The following MROH6 variants were observed in gnomAD, a reference collection of about 807,000 sequenced individuals.
MROH6 encodes maestro heat-like repeat-containing protein family member 6.
Under a neutral mutation model 67.7 loss-of-function variants are expected in MROH6, and 62 were observed. The observed-to-expected ratio is 0.92, with a 90% CI of 0.75 to 1.13. The LOEUF (loss-of-function observed/expected upper bound fraction) is 1.13. MROH6 is among the 50% of genes most tolerant of loss of function. The pLI is 0.00. For synonymous variants in MROH6, 566 were observed against 470.8 expected, an observed-to-expected ratio of 1.20 and a Z score of -2.62; for missense variants, 1,175 against 1,029.1, an observed-to-expected ratio of 1.14 and a Z score of -1.94.
Position 143,572,013 on chromosome 8 carries a change from T to TGAAGTGG in MROH6, c.447+13_447+19dup, listed in dbSNP as rs1824074971. 2 of 1,604,714 alleles carry TGAAGTGG rather than the reference T, an allele frequency of 1.2e-6. No individual in the cohort carries two copies. Among genetic ancestry groups the TGAAGTGG allele is most frequent in the Non-Finnish European group, 1.7e-6 (2 of 1,175,606 alleles). ...CGAACCGGCAGGATTCTGTAGGGCATGAAGTGGGTGAAGGCTGACCTGGTC... is the reference window on the plus strand; with the variant it reads ...CGAACCGGCAGGATTCTGTAGGGCATGAAGTGGGAAGTGGGTGAAGGCTGACCTGGTC... On this transcript the variant is annotated intron_variant, in intron 2 of 13. Transcript: ENST00000398882.
At position 143,566,706 on chromosome 8, in the gene MROH6, G is replaced by A. The variant is rs1010863781; in HGVS notation, c.*533C>T. ...ACATAATGAACAGGGGGTGATGATG[G>A]CCTGGCTGAGAGGGCACAGCAGGTG... On this transcript the variant is annotated 3_prime_UTR_variant, in exon 14 of 14. Coordinates refer to ENST00000398882, the MANE Select transcript of MROH6 (RefSeq NM_001100878.2). 5 of 152,256 alleles carry A rather than the reference G, an allele frequency of 3.3e-5. No individual in the cohort carries two copies. Among genetic ancestry groups the A allele is most frequent in the East Asian group, 1.9e-4 (1 of 5,178 alleles). The allele number at this position is 152,256 out of a possible 1,614,324, so 9.4% of individuals were successfully genotyped here. A position where few individuals can be genotyped will look rare whatever the true frequency, so the allele number is the denominator to read the frequency against.
chr8:143,572,473 T>TCGCTGCCAGCTTCAGGGACGGTGGCCCCA lies in MROH6; in HGVS notation c.213_241dup (p.Glu81ValfsTer94). 6.2e-7 allele frequency: 1 copy of TCGCTGCCAGCTTCAGGGACGGTGGCCCCA among 1,601,768 alleles called. No homozygotes were observed. Among genetic ancestry groups the TCGCTGCCAGCTTCAGGGACGGTGGCCCCA allele is most frequent in the Non-Finnish European group, 8.5e-7 (1 of 1,176,862 alleles). ...CAGGGCACTGTTGAGGGAGCAGGGCTCGCTGCCAGCTTCAGGGACGGTGGC... is the reference window on the plus strand; with the variant it reads ...CAGGGCACTGTTGAGGGAGCAGGGCTCGCTGCCAGCTTCAGGGACGGTGGCCCCACGCTGCCAGCTTCAGGGACGGTGGC... On this transcript the variant is annotated frameshift_variant, in exon 1 of 14. Coordinates refer to ENST00000398882, the MANE Select transcript of MROH6 (RefSeq NM_001100878.2). LOFTEE classifies it high-confidence loss of function.
At position 143,566,886 on chromosome 8, in the gene MROH6, G is replaced by C. The variant is rs1029869884; in HGVS notation, c.*353C>G. ...GCCACAGCGTCCTGTCCAGGCATGAGGTGGAGACCCAGGAGGGCAGGCTAT... is the reference window on the plus strand; with the variant it reads ...GCCACAGCGTCCTGTCCAGGCATGACGTGGAGACCCAGGAGGGCAGGCTAT... On this transcript the variant is annotated 3_prime_UTR_variant, in exon 14 of 14. Coordinates refer to ENST00000398882, the MANE Select transcript of MROH6 (RefSeq NM_001100878.2). The C allele has an allele frequency of 5.7e-5, 11 of 193,298 alleles. No individual in the cohort carries two copies. The Admixed American group carries it at 6.1e-4, about 11-fold the overall frequency. The allele number at this position is 193,298 out of a possible 1,614,324, so 12.0% of individuals were successfully genotyped here.
rs1258909136 is a variant in MROH6 at position 143,567,464 on chromosome 8, G to A, written c.1935C>T (p.Asp645=). Residue 645 remains aspartate (D), a splice_region_variant and synonymous_variant, in exon 14 of 14, where the codon GAC becomes GAT. Coordinates refer to ENST00000398882, the MANE Select transcript of MROH6 (RefSeq NM_001100878.2). The stretch of plus-strand genomic sequence containing the variant: ...TGGGGTCGCTCTGCAGTCGCCCTAG[G>A]TCTGCGAGGAGATCGCGGCTCAGGC... The part of the protein sequence containing the change: ...NQDLLDSLFQ[D]LGRLQSDPKP... 1.4e-6 allele frequency: 2 copies of A among 1,420,336 alleles called. No homozygotes were observed. The highest frequency in any genetic ancestry group is 2.6e-4 in the Middle Eastern group (1 of 3,800). The allele number at this position is 1,420,336 out of a possible 1,614,324, so 88.0% of individuals were successfully genotyped here.
chr8:143,568,074 CG>C lies in MROH6; in HGVS notation c.1764+67del, dbSNP rs1366351188. 4 of 1,532,746 alleles carry C rather than the reference CG, an allele frequency of 2.6e-6. No homozygotes were observed. The African/African-American group carries it at 5.5e-5, about 21-fold the overall frequency. 94.9% of individuals were successfully genotyped at this position (1,532,746 alleles called of 1,614,324 possible). ...CTGCAGTAGAAACGGTTGGGGGCCC[CG>C]GTGAACCCTGGAACAAGTGGGCTGC... is the stretch of plus-strand genomic sequence containing the variant. On this transcript the variant is annotated intron_variant, in intron 11 of 13. Coordinates refer to ENST00000398882, the MANE Select transcript of MROH6 (RefSeq NM_001100878.2).
intron 4 of MROH6, 48 bp downstream of exon 4, chr8:143,570,829 A>G: frequency 1.7e-6 from 1 of 572,440 alleles, no homozygotes; most frequent in Non-Finnish European, 2.8e-6. Context: ...GCTCCTCGCC[A>G]CCCCCCACCC....
In MROH6 at chr8:143,572,686, C is replaced by G. The variant is rs201459550; in HGVS notation, c.29G>C (p.Arg10Pro). ...AGCCCCCACGGGAGCCTCCCGGGCC[C>G]GGCTCCGGCCCCACACACCCCCAGC... is the stretch of plus-strand genomic sequence containing the variant. MAGGVWGRS[R>P]AREAPVGALT... Residue 10 changes from arginine to proline, a missense_variant, in exon 1 of 14, where the codon CGG becomes CCG. Coordinates refer to ENST00000398882, the MANE Select transcript of MROH6 (RefSeq NM_001100878.2). The G allele has an allele frequency of 4.0e-6, 6 of 1,517,056 alleles. No individual in the cohort carries two copies. The highest frequency in any genetic ancestry group is 1.8e-6 in the Non-Finnish European group (2 of 1,135,932). The allele number at this position is 1,517,056 out of a possible 1,614,324, so 94.0% of individuals were successfully genotyped here. A position where few individuals can be genotyped will look rare whatever the true frequency, so the allele number is the denominator to read the frequency against.
intron 2 of MROH6, 77 bp from the exon 3 acceptor site, chr8:143,571,898 C>G: frequency 6.7e-7 from 1 of 1,489,512 alleles, no homozygotes; most frequent in South Asian, 1.3e-5. Flanking sequence ...ACCCCACCTC[C>G]ACCCCCACCC....
rs752561838 is a variant in MROH6, at chr8:143,572,750, C to T, written c.-36G>A. ...GCCTGCAGCACCTGCCGCTGCTCCT[C>T]CTGCGAAGTTGTGCCCAGGACTGAC... is the stretch of plus-strand genomic sequence containing the variant. On this transcript the variant is annotated 5_prime_UTR_variant, in exon 1 of 14. Transcript: ENST00000398882. 3 of 1,446,138 alleles carry T rather than the reference C, an allele frequency of 2.1e-6. No individual in the cohort carries two copies. Among genetic ancestry groups the T allele is most frequent in the Non-Finnish European group, 2.7e-6 (3 of 1,103,866 alleles). The allele number at this position is 1,446,138 out of a possible 1,614,324, so 89.6% of individuals were successfully genotyped here. A position where few individuals can be genotyped will look rare whatever the true frequency, so the allele number is the denominator to read the frequency against.
rs559297848 is a variant in MROH6 at position 143,570,247 on chromosome 8, C to T, written c.1039G>A (p.Ala347Thr). ...HTHLEGVLLL[A>T]SAMVAHADHH... ...GCCCCTCCTCACCCTCCTCACCTGG[C>T]CAGCAGCAGGACGCCCTCCAGGTGG... The change falls in exon 6 of 14, where the codon GCC (alanine) becomes ACC (threonine). Residue 347 changes from alanine (A) to threonine (T), a missense_variant. Coordinates refer to ENST00000398882, the MANE Select transcript of MROH6 (RefSeq NM_001100878.2). 1.3e-6 allele frequency: 2 copies of T among 1,582,902 alleles called. No individual in the cohort carries two copies. Among genetic ancestry groups the T allele is most frequent in the Admixed American group, 1.7e-5 (1 of 58,424 alleles).
In MROH6 at chr8:143,569,438, C is replaced by T. The variant is rs1160372224; in HGVS notation, c.1476+3G>A. ...GGGACCCGGAGGCGGGGCGTTTGCT[C>T]ACGTCGTCCAGTAGCGGAGGGAGGC... On this transcript the variant is annotated splice_donor_region_variant and intron_variant, in intron 9 of 13. Coordinates refer to ENST00000398882, the MANE Select transcript of MROH6 (RefSeq NM_001100878.2). 1 of 1,440,390 alleles carries T rather than the reference C, an allele frequency of 6.9e-7. No homozygotes were observed. The highest frequency in any genetic ancestry group is 9.0e-7 in the Non-Finnish European group (1 of 1,107,362). 89.2% of individuals were successfully genotyped at this position (1,440,390 alleles called of 1,614,324 possible).
intron 4 of MROH6, 53 bp downstream of exon 4, chr8:143,570,824 T>TGGGC: frequency 8.4e-7 from 1 of 1,186,584 alleles, no homozygotes; most frequent in Non-Finnish European, 1.2e-6. Context: ...TCCCCGCTCC[T>TGGGC]CGCCACCCCC....
chr8:143,569,985 G>A lies in MROH6; in HGVS notation c.1124C>T (p.Pro375Leu). ...LLPRLRSADD[P>L]QRLTAMAFFT... ...GAAGGCCATAGCCGTGAGACGCTGCGGGTCGTCCGCGCTGCGAAGCCGAGG... is the reference window on the plus strand; with the variant it reads ...GAAGGCCATAGCCGTGAGACGCTGCAGGTCGTCCGCGCTGCGAAGCCGAGG... The change falls in exon 7 of 14, where the codon CCG (proline) becomes CTG (leucine). Residue 375 changes from proline to leucine, a missense_variant. Transcript: ENST00000398882. The A allele has an allele frequency of 3.1e-6, 5 of 1,613,228 alleles. No homozygotes were observed. Among genetic ancestry groups the A allele is most frequent in the Non-Finnish European group, 4.2e-6 (5 of 1,179,852 alleles).
intron 3 of MROH6, among the ~76,000 whole-genome samples, 181 bp from the exon 4 acceptor site, chr8:143,571,175 A>G (rs1428823688): frequency 6.6e-6 from 1 of 152,204 alleles, no homozygotes; most frequent in Non-Finnish European, 1.5e-5. Context: ...AATTGTGCAG[A>G]CCACAACATA....
rs1823942675 is a variant in MROH6, at chr8:143,570,364, A to G, written c.922T>C (p.Leu308=). Residue 308 remains leucine, a synonymous_variant, in exon 6 of 14, where the codon TTG becomes CTG. Coordinates refer to ENST00000398882, the MANE Select transcript of MROH6 (RefSeq NM_001100878.2). The part of the protein sequence containing the change: ...HSHASCAVEA[L]KALLTGDGGR... ...CCATCCCCGGTGAGCAGCGCCTTCA[A>G]GGCCTCCACAGCACAGCTGGTGGTG... 6.2e-7 allele frequency: 1 copy of G among 1,610,936 alleles called. No individual in the cohort carries two copies. The highest frequency in any genetic ancestry group is 1.3e-5 in the African/African-American group (1 of 74,928).
chr8:143,567,980 G>T (rs567009486), intron 11 of MROH6, 92 bp from the exon 12 acceptor site: 5 of 1,430,924 alleles, frequency 3.5e-6, no homozygotes, highest in Middle Eastern at 2.3e-4. Flanking sequence ...GGGTTCCAGG[G>T]GAGCCCCCAG....
Position 143,572,141 on chromosome 8 carries a change from C to G in MROH6, c.339G>C (p.Ala113=), listed in dbSNP as rs774071172. The change falls in exon 2 of 14, where the codon GCG becomes GCC. Residue 113 remains alanine, a synonymous_variant. Coordinates refer to ENST00000398882, the MANE Select transcript of MROH6 (RefSeq NM_001100878.2). ...CCTCCAGGCAGGCAGCCGTGTACAA[C>G]GCGAGGTCGGCAAGAACTCCCTCCT... ...SWEEGVLADL[A]LYTAACLEEA... 3.1e-6 allele frequency: 5 copies of G among 1,613,092 alleles called. No individual in the cohort carries two copies. Among genetic ancestry groups the G allele is most frequent in the East Asian group, 4.5e-5 (2 of 44,876 alleles).
chr8:143,567,136 C>A lies in MROH6; in HGVS notation c.*103G>T, dbSNP rs1223268308. ...GGGGGGTGGGGGAGGGCATTGGCGT[C>A]CAGCACCAGGCCCAGGGAGCCCCTC... On this transcript the variant is annotated 3_prime_UTR_variant, in exon 14 of 14. Transcript: ENST00000398882. The A allele has an allele frequency of 2.2e-5, 13 of 581,118 alleles. No homozygotes were observed. The Admixed American group carries it at 6.0e-4, about 27-fold the overall frequency. 36.0% of individuals were successfully genotyped at this position (581,118 alleles called of 1,614,324 possible).
rs1823730390 is a variant in MROH6, at chr8:143,568,004, G to A, written c.1765-116C>T. The A allele has an allele frequency of 2.1e-6, 3 of 1,448,060 alleles. No individual in the cohort carries two copies. The African/African-American group carries it at 4.3e-5, about 21-fold the overall frequency. The allele number at this position is 1,448,060 out of a possible 1,614,324, so 89.7% of individuals were successfully genotyped here. A position where few individuals can be genotyped will look rare whatever the true frequency, so the allele number is the denominator to read the frequency against. On this transcript the variant is annotated intron_variant, in intron 11 of 13. Coordinates refer to ENST00000398882, the MANE Select transcript of MROH6 (RefSeq NM_001100878.2). Reference sequence around the variant, plus strand: ...GGGAGCCCCCAGGGCAGGTGGCATGGTCGGAGACCTTGGACTTGCCCCACC... The same window carrying A: ...GGGAGCCCCCAGGGCAGGTGGCATGATCGGAGACCTTGGACTTGCCCCACC...
Sources: gnomAD v4.1 joint callset for allele counts (sites outside exome capture counted in the v4.1 genomes callset) on GRCh38, gnomAD v4.1.1 for gene constraint, MANE v1.5 for transcripts, NCBI Gene and HGNC (gene_info 2026-07-23, HGNC 2026-07-21) for gene names.